CEP57L1: variants seen among roughly 807,000 people sequenced by gnomAD.
CEP57L1 encodes centrosomal protein 57 like 1.
In CEP57L1, 37 loss-of-function variants were observed where a neutral mutation model predicts 61.0. The observed-to-expected ratio is 0.61, with a 90% confidence interval of 0.47 to 0.80. The LOEUF is 0.80. Among genes scored for constraint, CEP57L1 ranks in the 30% least tolerant of loss-of-function variants. CEP57L1 has a pLI of 0.00. For missense variants in CEP57L1, 422 were observed against 524.7 expected (o/e 0.80, Z 1.91); for synonymous variants, 137 against 162.3 (o/e 0.84, Z 1.19).
At chr6:109,129,213 A>G in intron 1 of CEP57L1, 1 of 434,378 alleles carries the variant, frequency 2.3e-6, no homozygotes, top group Non-Finnish European at 3.4e-6. Context: ...ACAAAAACCA[A>G]AAAAACTAAC....
intron 3 of CEP57L1, 92 bp downstream of exon 3, chr6:109,147,029 T>C (rs1173673955): frequency 1.0e-6 from 1 of 968,474 alleles, no homozygotes; most frequent in Non-Finnish European, 1.5e-6. Context: ...TACTCAGATA[T>C]CTTTATTCTT....
rs1773165393 is a variant in CEP57L1, at chr6:109,155,833, GTTTCA to G, written c.701_705del (p.Val234GlufsTer16). ...AATCAGTAAAATTATAATGTCTTCA[GTTTCA>G]AATCTAAAGCACTCCAAGGAAAAGA... On this transcript the variant is annotated frameshift_variant, in exon 7 of 11. Coordinates refer to ENST00000517392, the MANE Select transcript of CEP57L1 (RefSeq NM_001271852.3). LOFTEE classifies it high-confidence loss of function. 1 of 1,588,420 alleles carries G rather than the reference GTTTCA, an allele frequency of 6.3e-7. No homozygotes were observed. Among genetic ancestry groups the G allele is most frequent in the Non-Finnish European group, 8.6e-7 (1 of 1,162,346 alleles).
At chr6:109,116,134 GTTATGTTA>G (rs1562512196) in intron 1 of CEP57L1, among the ~76,000 whole-genome samples, 1 of 101,684 alleles carries the variant, frequency 9.8e-6, no homozygotes, top group Non-Finnish European at 2.1e-5. Flanking sequence ...GTTGTGTTAT[GTTATGTTA>G]TGTTATGTTA....
intron 1 of CEP57L1, among the ~76,000 whole-genome samples, chr6:109,118,338 T>C (rs1357209575): frequency 6.6e-6 from 1 of 152,222 alleles, no homozygotes; most frequent in Non-Finnish European, 1.5e-5. Flanking sequence ...CAGTAAAATA[T>C]ATTTTTATCA....
chr6:109,172,867 C>G lies in CEP57L1; in HGVS notation c.*9897C>G, dbSNP rs1325914764. Among the ~76,000 whole-genome samples, 1 of 152,160 alleles carries G rather than the reference C, an allele frequency of 6.6e-6. No homozygotes were observed. Among genetic ancestry groups the G allele is most frequent in the Non-Finnish European group, 1.5e-5 (1 of 68,032 alleles). The stretch of plus-strand genomic sequence containing the variant: ...CATAGGAGTTAACTTTGTCTGGAGG[C>G]TTTTTCAAGCCCAAGAGGTTGTCAT... On this transcript the variant is annotated 3_prime_UTR_variant, in exon 11 of 11. Transcript: ENST00000517392.
At chr6:109,098,677 A>T (rs1327284066) in intron 1 of CEP57L1, among the ~76,000 whole-genome samples, 1 of 151,198 alleles carries the variant, frequency 6.6e-6, no homozygotes, top group Non-Finnish European at 1.5e-5. Context: ...TAGAGACAGG[A>T]TCTCACTGTG....
chr6:109,156,595 T>C (rs928425594), intron 7 of CEP57L1: 5 of 152,228 alleles, frequency 3.3e-5, no homozygotes, highest in South Asian at 2.1e-4. Flanking sequence ...TGTGGAATTA[T>C]GGTTTTGATG....
chr6:109,141,701 T>G (rs1771401547), intron 1 of CEP57L1, among the ~76,000 whole-genome samples: 2 of 151,976 alleles, frequency 1.3e-5, no homozygotes, highest in South Asian at 4.1e-4. Flanking sequence ...TCTTATTCAG[T>G]TATAATAAGA....
At chr6:109,150,366 T>C (rs1009635923) in intron 4 of CEP57L1, 127 bp downstream of exon 4, 115 of 1,116,464 alleles carry the variant, frequency 1.0e-4, no homozygotes, top group Non-Finnish European at 1.4e-4. Context: ...TTACGTGTAA[T>C]TGGAGTTTCA....
At position 109,162,870 on chromosome 6, in the gene CEP57L1, C is replaced by T; in HGVS notation, c.1283C>T (p.Thr428Ile). The change falls in exon 11 of 11, where the codon ACT becomes ATT. Residue 428 changes from threonine (T) to isoleucine (I), a missense_variant. By Grantham distance (89) the Thr-to-Ile change is moderately conservative (BLOSUM62 -1). Coordinates refer to ENST00000517392, the MANE Select transcript of CEP57L1 (RefSeq NM_001271852.3). ...NIKNSPRKCL[T>I]DTNLFQKNSS... ...AAAAATAGCCCCAGAAAATGTTTGACTGACACTAACCTTTTTCAGAAAAAC... is the reference window on the plus strand; with the variant it reads ...AAAAATAGCCCCAGAAAATGTTTGATTGACACTAACCTTTTTCAGAAAAAC... The T allele has an allele frequency of 6.2e-7, 1 of 1,613,124 alleles. No homozygotes were observed. Among genetic ancestry groups the T allele is most frequent in the Non-Finnish European group, 8.5e-7 (1 of 1,179,364 alleles).
intron 7 of CEP57L1, chr6:109,157,215 A>G (rs1247323695): frequency 6.6e-6 from 1 of 152,166 alleles, no homozygotes. Context: ...TATGCAAATA[A>G]TGATGTCTCT....
rs77297565 is a variant in CEP57L1, at chr6:109,143,972, G to A, written c.-3-1247G>A. ...TAGTGAGCCAGCTGTGACTAATGTTGATCTCTTGTTTTTTGAGGGAACAAC... is the reference window on the plus strand; with the variant it reads ...TAGTGAGCCAGCTGTGACTAATGTTAATCTCTTGTTTTTTGAGGGAACAAC... On this transcript the variant is annotated intron_variant, in intron 1 of 10. Transcript: ENST00000517392. 7.9e-3 allele frequency among the ~76,000 whole-genome samples: 1,206 copies of A among 152,192 alleles called. 20 individuals carry two copies. Among genetic ancestry groups the A allele is most frequent in the African/African-American group, 0.028 (1,156 of 41,536 alleles).
intron 3 of CEP57L1, among the ~76,000 whole-genome samples, chr6:109,148,999 A>T (rs543089095): frequency 0.013 from 1,906 of 152,158 alleles, 27 homozygotes; most frequent in African/African-American, 0.029. Context: ...GTTTGAGTTC[A>T]TTGTAGATTC....
chr6:109,146,787 GA>G lies in CEP57L1; in HGVS notation c.196del (p.Ile66PhefsTer4). 1 of 1,580,052 alleles carries G rather than the reference GA, an allele frequency of 6.3e-7. No homozygotes were observed. Among genetic ancestry groups the G allele is most frequent in the Non-Finnish European group, 8.6e-7 (1 of 1,168,552 alleles). On this transcript the variant is annotated frameshift_variant, in exon 3 of 11. Coordinates refer to ENST00000517392, the MANE Select transcript of CEP57L1 (RefSeq NM_001271852.3). LOFTEE classifies it high-confidence loss of function. ...ALILALKTLQ[E>X]KIHRLELERT... ...TATTTTAGCCTTAAAAACTCTTCAG[GA>G]AAAAATTCATCGTTTAGAGCTGGAG... is the stretch of plus-strand genomic sequence containing the variant.
chr6:109,145,472 A>G (rs1256152176), intron 2 of CEP57L1, 91 bp downstream of exon 2: 9 of 864,882 alleles, frequency 1.0e-5, no homozygotes, highest in African/African-American at 1.7e-5. Flanking sequence ...TGCATATTTA[A>G]TCTTAACAAA....
intron 1 of CEP57L1, among the ~76,000 whole-genome samples, chr6:109,122,656 G>A (rs1234462933): frequency 6.6e-6 from 1 of 152,022 alleles, no homozygotes; most frequent in Non-Finnish European, 1.5e-5. Context: ...CAAAAAATTA[G>A]CCGGGCATGG....
chr6:109,098,198 A>T (rs1781944677), intron 1 of CEP57L1, among the ~76,000 whole-genome samples: 1 of 151,620 alleles, frequency 6.6e-6, no homozygotes, highest in South Asian at 2.1e-4. Context: ...CCCAGGCTGG[A>T]GTGCAATAGC....
chr6:109,150,050 T>C, intron 3 of CEP57L1, 68 bp from the exon 4 acceptor site: 1 of 926,910 alleles, frequency 1.1e-6, no homozygotes, highest in Non-Finnish European at 1.7e-6. Context: ...AGATATACAA[T>C]CATGTCATCT....
At chr6:109,105,706 T>C (rs1770849400) in intron 1 of CEP57L1, among the ~76,000 whole-genome samples, 2 of 152,172 alleles carry the variant, frequency 1.3e-5, no homozygotes, top group South Asian at 2.1e-4. Flanking sequence ...TGCACATGTA[T>C]GTTTTGAAAT....
Sources: gnomAD v4.1 joint callset for allele counts (sites outside exome capture counted in the v4.1 genomes callset) on GRCh38, gnomAD v4.1.1 for gene constraint, MANE v1.5 for transcripts, NCBI Gene and HGNC (gene_info 2026-07-23, HGNC 2026-07-21) for gene names.